GFM2: variants seen among roughly 807,000 people sequenced by gnomAD.
The protein encoded by GFM2 is GTP dependent ribosome recycling factor mitochondrial 2.
GFM2 carries 72 observed loss-of-function variants against 95.4 expected under a neutral mutation model. The ratio of observed to expected loss-of-function variants is 0.76; its 90% CI spans 0.62 to 0.92. The LOEUF (loss-of-function observed/expected upper bound fraction) is 0.92, where lower values mean the gene tolerates loss of function less well. Among genes scored for constraint, GFM2 ranks in the 40% least tolerant of loss-of-function variants. GFM2 has a pLI of 0.00. For synonymous variants in GFM2, 276 were observed against 317.5 expected (o/e 0.87, Z 1.39); for missense variants, 825 against 924.1 (o/e 0.89, Z 1.39).
At chr5:74,740,862 G>A (rs1047355684) in intron 11 of GFM2, among the ~76,000 whole-genome samples, 3 of 152,070 alleles carry the variant, frequency 2.0e-5, no homozygotes, top group African/African-American at 7.2e-5. Context: ...TGACTACTAA[G>A]TGAATTTGCT....
chr5:74,763,413 C>T (rs1168007313), intron 2 of GFM2, among the ~76,000 whole-genome samples: 1 of 152,150 alleles, frequency 6.6e-6, no homozygotes, highest in Non-Finnish European at 1.5e-5. Context: ...AAACCCTACC[C>T]CTCCTTCAAA....
At chr5:74,754,171 C>G (rs947121523) in intron 5 of GFM2, among the ~76,000 whole-genome samples, 1 of 152,020 alleles carries the variant, frequency 6.6e-6, no homozygotes, top group African/African-American at 2.4e-5. Flanking sequence ...GCTGAGAGAA[C>G]TCACCACTAG....
rs1304806692 is a variant in GFM2 at position 74,730,650 on chromosome 5, AG to A, written c.1588-253del. The A allele has an allele frequency of 2.1e-4, 63 of 298,618 alleles. 1 individual carries two copies. The Admixed American group carries it at 3.0e-3, about 14-fold the overall frequency. 18.5% of individuals were successfully genotyped at this position (298,618 alleles called of 1,614,324 possible). A position where few individuals can be genotyped will look rare whatever the true frequency, so the allele number is the denominator to read the frequency against. On this transcript the variant is annotated intron_variant, in intron 16 of 20. Transcript: ENST00000296805. ...TGATAGTTGAATTATCTGCTGGGCAAGTAGCATCTGGCTAAGACTAATGATG... is the reference window on the plus strand; with the variant it reads ...TGATAGTTGAATTATCTGCTGGGCAATAGCATCTGGCTAAGACTAATGATG...
At chr5:74,728,529 TA>T (rs765865851) in intron 17 of GFM2, among the ~76,000 whole-genome samples, 3 of 152,120 alleles carry the variant, frequency 2.0e-5, no homozygotes, top group Non-Finnish European at 2.9e-5. Flanking sequence ...ATACATACTT[TA>T]AACCCATGTT....
chr5:74,758,762 G>A, intron 5 of GFM2, 87 bp downstream of exon 5: 2 of 770,192 alleles, frequency 2.6e-6, no homozygotes, highest in Non-Finnish European at 4.6e-6. Flanking sequence ...CCATATTCAA[G>A]GTGTGTAAGT....
At chr5:74,733,692 G>A (rs181737846) in intron 15 of GFM2, among the ~76,000 whole-genome samples, 20 of 152,266 alleles carry the variant, frequency 1.3e-4, no homozygotes, top group Non-Finnish European at 2.2e-4. Context: ...TTTGCACTGC[G>A]AAGCCACTGA....
At chr5:74,757,604 C>T (rs897111690) in intron 5 of GFM2, among the ~76,000 whole-genome samples, 1 of 151,906 alleles carries the variant, frequency 6.6e-6, no homozygotes, top group African/African-American at 2.4e-5. Flanking sequence ...TGGCACCTGC[C>T]TGTAGTCCCA....
In GFM2 at chr5:74,725,726, C is replaced by T. The variant is rs1160337891; in HGVS notation, c.1942G>A (p.Val648Ile). The T allele has an allele frequency of 3.1e-6, 5 of 1,613,528 alleles. No individual in the cohort carries two copies. Among genetic ancestry groups the T allele is most frequent in the Non-Finnish European group, 4.2e-6 (5 of 1,179,704 alleles). ...GPLLGSPIQD[V>I]AITLHSLTIH... ...GTCAGGGAATGTAAAGTAATTGCTA[C>T]ATCCTGAATTGGGGATCCAAGCAAT... The change falls in exon 19 of 21, where the codon GTA becomes ATA. Residue 648 changes from valine to isoleucine, a missense_variant. Val to Ile is a conservative substitution (Grantham distance 29, BLOSUM62 3). Transcript: ENST00000296805.
intron 10 of GFM2, among the ~76,000 whole-genome samples, chr5:74,745,215 C>A (rs994855594): frequency 6.6e-6 from 1 of 151,998 alleles, no homozygotes; most frequent in Non-Finnish European, 1.5e-5. Flanking sequence ...AGTGGTGGTG[C>A]GTGCCTGTAA....
chr5:74,732,128 A>ATTTTTTTTTT (rs533165001), intron 16 of GFM2, among the ~76,000 whole-genome samples: 6 of 85,440 alleles, frequency 7.0e-5, no homozygotes, highest in East Asian at 3.4e-4. Context: ...CTAATTTTTA[A>ATTTTTTTTTT]TTTTTTTTTT....
intron 15 of GFM2, chr5:74,736,466 C>G: frequency 1.0e-6 from 1 of 985,160 alleles, no homozygotes; most frequent in Non-Finnish European, 1.2e-6. Flanking sequence ...TGATGACAAA[C>G]TGAATTGGTT....
intron 17 of GFM2, among the ~76,000 whole-genome samples, chr5:74,726,439 A>G (rs989376153): frequency 1.4e-4 from 21 of 152,202 alleles, no homozygotes; most frequent in African/African-American, 4.3e-4. Context: ...GGTGATTGAA[A>G]TCCTCTTAGT....
In GFM2 at chr5:74,722,363, G is replaced by A; in HGVS notation, c.2211+16C>T. 2 of 1,598,846 alleles carry A rather than the reference G, an allele frequency of 1.3e-6. No individual in the cohort carries two copies. The highest frequency in any genetic ancestry group is 8.6e-7 in the Non-Finnish European group (1 of 1,167,752). On this transcript the variant is annotated intron_variant, in intron 20 of 20. Coordinates refer to ENST00000296805, the MANE Select transcript of GFM2 (RefSeq NM_032380.5). ...AATTAAGAAGAATATGTACTTTTCA[G>A]TTACAAAGTACCTACCATAATTTCT... is the stretch of plus-strand genomic sequence containing the variant.
At chr5:74,727,916 A>T (rs1750221756) in intron 17 of GFM2, among the ~76,000 whole-genome samples, 1 of 152,184 alleles carries the variant, frequency 6.6e-6, no homozygotes, top group Non-Finnish European at 1.5e-5. Context: ...TATTAACTAT[A>T]GTCACTGTGC....
chr5:74,722,404 C>G lies in GFM2; in HGVS notation c.2186G>C (p.Gly729Ala). 1 of 1,613,676 alleles carries G rather than the reference C, an allele frequency of 6.2e-7. No homozygotes were observed. The highest frequency in any genetic ancestry group is 8.5e-7 in the Non-Finnish European group (1 of 1,179,820). Reference protein sequence around the residue: ...QTRQDNKVVIGFVPLAEIMGY... With the variant: ...QTRQDNKVVIAFVPLAEIMGY... ...CATAATTTCTGCTAAGGGAACAAAT[C>G]CAATAACAACTTTGTTGTCCTGGCG... Residue 729 changes from glycine (G) to alanine (A), a missense_variant, in exon 20 of 21, where the codon GGA becomes GCA. Transcript: ENST00000296805.
intron 15 of GFM2, among the ~76,000 whole-genome samples, chr5:74,734,012 C>T (rs909985548): frequency 1.3e-5 from 2 of 152,118 alleles, no homozygotes; most frequent in African/African-American, 4.8e-5. Context: ...GTTCCACAGA[C>T]AAAGTGTAGC....
chr5:74,738,441 A>G, intron 13 of GFM2, 24 bp from the exon 14 acceptor site: 1 of 1,610,880 alleles, frequency 6.2e-7, no homozygotes, highest in South Asian at 1.1e-5. Flanking sequence ...ATTTTATGTT[A>G]GTAAAAGTAT....
At chr5:74,738,472 T>C in intron 13 of GFM2, 30 bp downstream of exon 13, 1 of 1,610,634 alleles carries the variant, frequency 6.2e-7, no homozygotes, top group Non-Finnish European at 8.5e-7. Context: ...GTGCATACAG[T>C]TTTATAAAAT....
rs1742656903 is a variant in GFM2 at position 74,733,062 on chromosome 5, T to A, written c.1547A>T (p.Asp516Val). Residue 516 changes from aspartate to valine, a missense_variant, in exon 16 of 21, where the codon GAT becomes GTT. Asp to Val is a radical substitution (Grantham distance 152). Coordinates refer to ENST00000296805, the MANE Select transcript of GFM2 (RefSeq NM_032380.5). ...ATCTAGCCTCACTTTCAAACTGGGA[T>A]CTTCACGCTGAAGACATTTCAACGC... ...EHALKCLQRE[D>V]PSLKVRLDPD... 1.2e-6 allele frequency: 2 copies of A among 1,613,050 alleles called. No homozygotes were observed. The highest frequency in any genetic ancestry group is 1.7e-5 in the Admixed American group (1 of 59,990).
Sources: gnomAD v4.1 joint callset for allele counts (sites outside exome capture counted in the v4.1 genomes callset) on GRCh38, gnomAD v4.1.1 for gene constraint, MANE v1.5 for transcripts, NCBI Gene and HGNC (gene_info 2026-07-23, HGNC 2026-07-21) for gene names.